EPB41L5: variants seen among roughly 807,000 people sequenced by gnomAD.
EPB41L5 encodes band 4.1-like protein 5.
Under a neutral mutation model 106.6 loss-of-function variants are expected in EPB41L5, and 55 were observed. That is an observed-to-expected ratio of 0.52 (90% CI 0.42 to 0.65). EPB41L5 has a LOEUF of 0.65. EPB41L5 is among the 30% of genes least tolerant of loss of function. The pLI, the probability that EPB41L5 is intolerant of heterozygous loss-of-function variation, is 0.00. For synonymous variants in EPB41L5, 297 were observed against 306.7 expected (o/e 0.97, Z 0.33); for missense variants, 871 against 882.1 (o/e 0.99, Z 0.16).
intron 4 of EPB41L5, 49 bp from the exon 5 acceptor site, chr2:120,074,051 T>A: frequency 7.2e-7 from 1 of 1,398,144 alleles, no homozygotes; most frequent in Non-Finnish European, 9.8e-7. Flanking sequence ...TGAAAAGTAT[T>A]ATTTAAGTAG....
chr2:120,169,587 T>A (rs1411563176), intron 24 of EPB41L5, among the ~76,000 whole-genome samples: 2 of 152,178 alleles, frequency 1.3e-5, no homozygotes, highest in African/African-American at 2.4e-5. Context: ...TCTCCATCCC[T>A]CCTTCTGTCT....
At chr2:120,149,593 T>C (rs932122159) in intron 20 of EPB41L5, among the ~76,000 whole-genome samples, 3 of 152,214 alleles carry the variant, frequency 2.0e-5, no homozygotes, top group Non-Finnish European at 4.4e-5. Flanking sequence ...CTGTATAATA[T>C]TTCATTGTAT....
chr2:120,078,422 T>A lies in EPB41L5; in HGVS notation c.715-71T>A, dbSNP rs1682405003. The A allele has an allele frequency of 8.7e-6, 8 of 922,622 alleles. No individual in the cohort carries two copies. In the East Asian group the frequency reaches 2.1e-4, roughly 24 times the overall value. The allele number at this position is 922,622 out of a possible 1,614,324, so 57.2% of individuals were successfully genotyped here. On this transcript the variant is annotated intron_variant, in intron 9 of 24. Transcript: ENST00000263713. ...ATACAATTCAATACAAAAATAAAAT[T>A]TAAAAGTTGTGTCAATGTGAAACCT...
chr2:120,153,922 G>A (rs142733695), intron 20 of EPB41L5, among the ~76,000 whole-genome samples: 9 of 152,180 alleles, frequency 5.9e-5, no homozygotes, highest in African/African-American at 1.9e-4. Flanking sequence ...CATACAGATG[G>A]ATCATTTTAA....
rs1687994569 is a variant in EPB41L5 at position 120,178,504 on chromosome 2, CATG to C, written c.*3598_*3600del. ...ACTTTTAATTATTCATGCCCTTGACCATGTGGTTGCTTGGAGACCTGGGGTCTT... is the reference window on the plus strand; with the variant it reads ...ACTTTTAATTATTCATGCCCTTGACCTGGTTGCTTGGAGACCTGGGGTCTT... On this transcript the variant is annotated 3_prime_UTR_variant, in exon 25 of 25. Coordinates refer to ENST00000263713, the MANE Select transcript of EPB41L5 (RefSeq NM_020909.4). The C allele has an allele frequency of 1.3e-5, 2 of 152,160 alleles. No individual in the cohort carries two copies. The highest frequency in any genetic ancestry group is 2.1e-4 in the South Asian group (1 of 4,826). 9.4% of individuals were successfully genotyped at this position (152,160 alleles called of 1,614,324 possible). A position where few individuals can be genotyped will look rare whatever the true frequency, so the allele number is the denominator to read the frequency against.
intron 23 of EPB41L5, 45 bp from the exon 24 acceptor site, chr2:120,167,832 C>A: frequency 1.9e-6 from 3 of 1,610,890 alleles, no homozygotes; most frequent in Non-Finnish European, 2.5e-6. Context: ...GCTGACCAGG[C>A]AGGTATTGTT....
At chr2:120,064,844 C>T (rs1467190101) in intron 3 of EPB41L5, among the ~76,000 whole-genome samples, 4 of 152,132 alleles carry the variant, frequency 2.6e-5, no homozygotes, top group African/African-American at 7.2e-5. Context: ...CCTGAATTTT[C>T]CAGGCCTCGG....
chr2:120,090,812 C>A (rs1683357915), intron 12 of EPB41L5, among the ~76,000 whole-genome samples: 1 of 152,198 alleles, frequency 6.6e-6, no homozygotes, highest in Admixed American at 6.6e-5. Flanking sequence ...GGACTCTCCA[C>A]CCACCACTGG....
At chr2:120,077,115 T>C (rs1682295875) in intron 8 of EPB41L5, 24 bp downstream of exon 8, 1 of 1,604,556 alleles carries the variant, frequency 6.2e-7, no homozygotes, top group African/African-American at 1.3e-5. Flanking sequence ...GACCATACTT[T>C]CTTTAAAATC....
chr2:120,166,751 T>C (rs1376418475), intron 22 of EPB41L5, among the ~76,000 whole-genome samples: 2 of 152,230 alleles, frequency 1.3e-5, no homozygotes, highest in African/African-American at 2.4e-5. Context: ...TTTTATTCTT[T>C]TGGTGGTTAT....
At chr2:120,168,149 G>T in intron 24 of EPB41L5, 142 bp downstream of exon 24, 1 of 993,940 alleles carries the variant, frequency 1.0e-6, no homozygotes, top group Non-Finnish European at 1.4e-6. Context: ...TTTTCTGTTT[G>T]TTATTTAGTG....
chr2:120,043,458 A>AAT (rs1207841683), intron 3 of EPB41L5, among the ~76,000 whole-genome samples: 2 of 151,986 alleles, frequency 1.3e-5, no homozygotes, highest in East Asian at 3.9e-4. Flanking sequence ...AAGGTGGGAG[A>AAT]ATCGCTTGAA....
intron 16 of EPB41L5, among the ~76,000 whole-genome samples, chr2:120,111,393 G>T (rs1263747564): frequency 6.6e-6 from 1 of 152,090 alleles, no homozygotes; most frequent in Admixed American, 6.5e-5. Context: ...TCTTTTTCGT[G>T]TTGCTAAGCG....
chr2:120,031,116 G>A (rs1044584943), intron 2 of EPB41L5, among the ~76,000 whole-genome samples: 11 of 152,114 alleles, frequency 7.2e-5, no homozygotes, highest in Non-Finnish European at 1.5e-5. Flanking sequence ...TGATCCACCC[G>A]CCTCGGCCTC....
chr2:120,039,212 A>G (rs7593520), intron 2 of EPB41L5, among the ~76,000 whole-genome samples: 104,477 of 151,926 alleles, frequency 0.69, 37,495 homozygotes, highest in Non-Finnish European at 0.79. Context: ...TATGTGAGAT[A>G]CATGGGATGG....
intron 20 of EPB41L5, among the ~76,000 whole-genome samples, chr2:120,148,374 C>T (rs1263419266): frequency 6.6e-6 from 1 of 152,016 alleles, no homozygotes; most frequent in Non-Finnish European, 1.5e-5. Context: ...CACTATAATA[C>T]TCATCCTAGT....
intron 2 of EPB41L5, among the ~76,000 whole-genome samples, chr2:120,023,885 G>C (rs1436040539): frequency 1.3e-5 from 2 of 152,174 alleles, no homozygotes; most frequent in Admixed American, 1.3e-4. Context: ...TCTCCTTGAA[G>C]AGGTCCTTCA....
At chr2:120,147,963 AATC>A (rs1686484095) in intron 20 of EPB41L5, among the ~76,000 whole-genome samples, 3 of 152,208 alleles carry the variant, frequency 2.0e-5, no homozygotes, top group African/African-American at 7.2e-5. Context: ...CTTCTCTTTT[AATC>A]TATTTTCCCC....
intron 2 of EPB41L5, among the ~76,000 whole-genome samples, chr2:120,033,006 A>C (rs1412448238): frequency 6.6e-6 from 1 of 152,186 alleles, no homozygotes; most frequent in Non-Finnish European, 1.5e-5. Context: ...ATGTATTGTT[A>C]AGTGCGTAAT....
Sources: allele counts gnomAD v4.1 joint callset (sites outside exome capture counted in the v4.1 genomes callset), GRCh38; gene constraint gnomAD v4.1.1; transcripts MANE v1.5; gene names NCBI Gene and HGNC (gene_info 2026-07-23, HGNC 2026-07-21).